ZFHX3: variants seen among roughly 807,000 people sequenced by gnomAD.
The protein encoded by ZFHX3 is zinc finger homeobox protein 3.
Under a neutral mutation model 279.1 loss-of-function variants are expected in ZFHX3, and 42 were observed. The ratio of observed to expected loss-of-function variants is 0.15; its 90% CI spans 0.12 to 0.19. The LOEUF (loss-of-function observed/expected upper bound fraction) is 0.19, where lower values mean the gene tolerates loss of function less well. ZFHX3 is among the 10% of genes least tolerant of loss of function. The pLI, the probability that ZFHX3 is intolerant of heterozygous loss-of-function variation, is 1.00. For missense variants in ZFHX3, 4,981 were observed against 4,754.0 expected (o/e 1.05, Z -1.40); for synonymous variants, 2,293 against 1,957.8 (o/e 1.17, Z -4.52).
chr16:73,269,740 T>G (rs2014088595), intron 4 of ZFHX3, among the ~76,000 whole-genome samples: 1 of 152,004 alleles, frequency 6.6e-6, no homozygotes, highest in African/African-American at 2.4e-5. Context: ...ATATTTTTCT[T>G]TTTTGCTTTT....
chr16:73,175,404 A>T (rs544354541), intron 5 of ZFHX3, among the ~76,000 whole-genome samples: 15 of 150,580 alleles, frequency 1.0e-4, no homozygotes, highest in Admixed American at 5.3e-4. Context: ...AAACAAACAA[A>T]AAAACCACTG....
chr16:73,569,094 A>G (rs550283808), intron 2 of ZFHX3, among the ~76,000 whole-genome samples: 32 of 152,314 alleles, frequency 2.1e-4, no homozygotes, highest in African/African-American at 7.7e-4. Flanking sequence ...AAGTCAAGCC[A>G]GGGACCTTAG....
At chr16:73,857,753 A>T (rs1303127636) in intron 1 of ZFHX3, among the ~76,000 whole-genome samples, 1 of 152,152 alleles carries the variant, frequency 6.6e-6, no homozygotes, top group Non-Finnish European at 1.5e-5. Flanking sequence ...TGATGTCAGG[A>T]AAAGGGTCCT....
Position 72,796,882 on chromosome 16 carries a change from G to A in ZFHX3, c.5800C>T (p.Pro1934Ser), listed in dbSNP as rs1355044613. 2.5e-6 allele frequency: 4 copies of A among 1,613,626 alleles called. No homozygotes were observed. The highest frequency in any genetic ancestry group is 1.3e-5 in the African/African-American group (1 of 74,776). ...CCTCTGGCATCTGAAGCAATGCGTGGAGGGAGCATGGAAGGCTCAGAACCA... is the reference window on the plus strand; with the variant it reads ...CCTCTGGCATCTGAAGCAATGCGTGAAGGGAGCATGGAAGGCTCAGAACCA... ...GGGSEPSMLP[P>S]RIASDARGNA... The change falls in exon 9 of 10, where the codon CCA becomes TCA. Residue 1934 changes from proline to serine, a missense_variant. By Grantham distance (74) the Pro-to-Ser change is moderately conservative (BLOSUM62 -1). Around this residue, in one of 7 missense-constraint regions of ZFHX3, gnomAD observed 1,751 missense variants for 1,770.0 expected, o/e 0.99. Transcript: ENST00000268489.
intron 3 of ZFHX3, among the ~76,000 whole-genome samples, chr16:73,332,643 G>A (rs140147847): frequency 5.3e-5 from 8 of 152,280 alleles, no homozygotes; most frequent in South Asian, 2.1e-4. Flanking sequence ...TAACTGTATC[G>A]GATATGGGAA....
chr16:73,278,261 C>G (rs1238629608), intron 4 of ZFHX3, among the ~76,000 whole-genome samples: 1 of 152,134 alleles, frequency 6.6e-6, no homozygotes, highest in African/African-American at 2.4e-5. Flanking sequence ...GTTGTTGTAG[C>G]AAATCTCTTG....
At chr16:72,814,467 AG>A (rs2036548495) in intron 5 of ZFHX3, among the ~76,000 whole-genome samples, 3 of 152,208 alleles carry the variant, frequency 2.0e-5, no homozygotes, top group Non-Finnish European at 4.4e-5. Context: ...AACCCAGTGC[AG>A]CATTAGTTTC....
intron 2 of ZFHX3, among the ~76,000 whole-genome samples, chr16:73,639,665 A>C (rs905816400): frequency 1.3e-5 from 2 of 152,224 alleles, no homozygotes; most frequent in African/African-American, 4.8e-5. Context: ...CTAAACTCAA[A>C]GCCTCATAGA....
intron 1 of ZFHX3, among the ~76,000 whole-genome samples, chr16:73,690,082 T>A (rs1214509372): frequency 6.6e-6 from 1 of 152,060 alleles, no homozygotes. Context: ...GTCTGGCTAA[T>A]TTTTTTGTAC....
chr16:73,880,802 CAA>C (rs771507755), intron 1 of ZFHX3, among the ~76,000 whole-genome samples: 1 of 152,126 alleles, frequency 6.6e-6, no homozygotes, highest in Non-Finnish European at 1.5e-5. Context: ...CCAAGAATAT[CAA>C]AGTTTGCTTG....
chr16:73,256,325 T>G (rs866607930), intron 5 of ZFHX3, among the ~76,000 whole-genome samples: 3 of 152,280 alleles, frequency 2.0e-5, no homozygotes, highest in Admixed American at 6.5e-5. Flanking sequence ...TTTCTACAAA[T>G]AGAAGATGAT....
chr16:72,874,196 TG>T (rs1567558625), intron 4 of ZFHX3, among the ~76,000 whole-genome samples: 14 of 124,198 alleles, frequency 1.1e-4, no homozygotes, highest in African/African-American at 4.3e-4. Flanking sequence ...GAGGATTTTT[TG>T]ATTTTTTTTT....
At chr16:73,159,844 C>T (rs561249199) in intron 5 of ZFHX3, among the ~76,000 whole-genome samples, 1 of 152,248 alleles carries the variant, frequency 6.6e-6, no homozygotes, top group East Asian at 1.9e-4. Context: ...CTCATTGCAA[C>T]CTCCACCTCC....
chr16:73,427,039 A>G (rs1221812773), intron 3 of ZFHX3, among the ~76,000 whole-genome samples: 2 of 152,140 alleles, frequency 1.3e-5, no homozygotes, highest in Non-Finnish European at 2.9e-5. Flanking sequence ...GCCATGATTC[A>G]TGGCTGATGC....
chr16:73,357,363 G>T (rs2016360865), intron 3 of ZFHX3, among the ~76,000 whole-genome samples: 1 of 150,564 alleles, frequency 6.6e-6, no homozygotes, highest in South Asian at 2.1e-4. Flanking sequence ...GAGAAAACAG[G>T]AATATGGAGA....
chr16:73,881,451 A>ACTCTCT (rs1226500279), intron 1 of ZFHX3, among the ~76,000 whole-genome samples: 2 of 79,848 alleles, frequency 2.5e-5, no homozygotes, highest in African/African-American at 1.2e-4. Context: ...ACACACACAC[A>ACTCTCT]CACTCTCTCT....
intron 2 of ZFHX3, chr16:73,499,932 G>T (rs2019205977): frequency 6.6e-6 from 1 of 152,082 alleles, no homozygotes. Flanking sequence ...GATGTTGCTG[G>T]TACCAACAAA....
chr16:73,576,093 T>TCACTAAAATGAGCATGGCACC (rs1239349867), intron 2 of ZFHX3, among the ~76,000 whole-genome samples: 2 of 152,142 alleles, frequency 1.3e-5, no homozygotes, highest in African/African-American at 4.8e-5. Context: ...TTATACACAC[T>TCACTAAAATGAGCATGGCACC]CACTAAAATG....
rs1288076108 is a variant in ZFHX3 at position 73,188,561 on chromosome 16, T to A, written c.-1103-44730A>T. Among the ~76,000 whole-genome samples, 3 of 152,200 alleles carry A rather than the reference T, an allele frequency of 2.0e-5. No individual in the cohort carries two copies. In the East Asian group the frequency reaches 5.8e-4, roughly 29 times the overall value. The stretch of plus-strand genomic sequence containing the variant: ...GGGGAAACAGGGACAAAGAGAGAAA[T>A]AGTTTTTTCAGAAAACCCTGACTAA... On this transcript the variant is annotated intron_variant, in intron 5 of 17. Coordinates refer to the ZFHX3 transcript ENST00000641206.
Sources: allele counts gnomAD v4.1 joint callset (sites outside exome capture counted in the v4.1 genomes callset), GRCh38; gene constraint gnomAD v4.1.1; regional missense constraint gnomAD v4.1.1; transcripts MANE v1.5; gene names NCBI Gene and HGNC (gene_info 2026-07-23, HGNC 2026-07-21).